FGD5: variants seen among roughly 807,000 people sequenced by gnomAD.
FGD5 encodes the protein FYVE, RhoGEF and PH domain containing 5, also known as FYVE, RhoGEF and PH domain-containing protein 5.
Under a neutral mutation model 133.4 loss-of-function variants are expected in FGD5, and 28 were observed. The observed-to-expected ratio is 0.21, with a 90% CI of 0.16 to 0.29. The LOEUF (loss-of-function observed/expected upper bound fraction) is 0.29, where lower values mean the gene tolerates loss of function less well. FGD5 is among the 10% of genes least tolerant of loss of function. The probability of loss-of-function intolerance (pLI) is 1.00; values close to 1 mark genes in which losing one functional copy is unlikely to be tolerated. For missense variants in FGD5, 1,858 were observed against 1,895.2 expected (o/e 0.98, Z 0.36); for synonymous variants, 810 against 776.5 (o/e 1.04, Z -0.72).
At chr3:14,848,816 G>A (rs1398067956) in intron 1 of FGD5, among the ~76,000 whole-genome samples, 1 of 152,176 alleles carries the variant, frequency 6.6e-6, no homozygotes, top group Admixed American at 6.5e-5. Context: ...GCTGGCCTTG[G>A]CAAGGAGAGG....
At chr3:14,825,417 C>T (rs1248252873) in intron 1 of FGD5, among the ~76,000 whole-genome samples, 2 of 152,006 alleles carry the variant, frequency 1.3e-5, no homozygotes, top group African/African-American at 4.8e-5. Flanking sequence ...CCAGCCTAGA[C>T]AACATAGTGA....
At chr3:14,811,185 CG>C (rs1344558086) in intron 1 of FGD5, among the ~76,000 whole-genome samples, 1 of 152,140 alleles carries the variant, frequency 6.6e-6, no homozygotes, top group African/African-American at 2.4e-5. Flanking sequence ...CGAAGAAAGA[CG>C]CCCCTTTCGC....
chr3:14,819,204 G>A lies in FGD5; in HGVS notation c.133G>A (p.Gly45Arg). 7 of 1,550,334 alleles carry A rather than the reference G, an allele frequency of 4.5e-6. No individual in the cohort carries two copies. Among genetic ancestry groups the A allele is most frequent in the Non-Finnish European group, 6.1e-6 (7 of 1,146,612 alleles). The change falls in exon 1 of 20, where the codon GGG becomes AGG. Residue 45 changes from glycine (G) to arginine (R), a missense_variant. This residue lies in a region of FGD5 where 1,824 missense variants were observed against 1,848.9 expected (regional missense o/e 0.99). Transcript: ENST00000285046. This position sits in a 1 kb window ranked among gnomAD's most constrained non-coding sequence, Gnocchi z 4.1. Reference sequence around the variant, plus strand: ...CGGGCGGCTGCCCTGTGTAGACAGGGGGCTTGATGAGGGGCCCCGGTCCAT... The same window carrying A: ...CGGGCGGCTGCCCTGTGTAGACAGGAGGCTTGATGAGGGGCCCCGGTCCAT... ...SNGRLPCVDR[G>R]LDEGPRSIPK... is the part of the protein sequence containing the mutation.
upstream of FGD5, among the ~76,000 whole-genome samples, chr3:14,818,454 G>A (rs1167801177): frequency 6.6e-6 from 1 of 152,200 alleles, no homozygotes; most frequent in Non-Finnish European, 1.5e-5. Flanking sequence ...TCTCAGCAGA[G>A]TCTGTTTTCT....
upstream of FGD5, among the ~76,000 whole-genome samples, chr3:14,815,781 T>G (rs1483457766): frequency 6.6e-6 from 1 of 152,160 alleles, no homozygotes; most frequent in Non-Finnish European, 1.5e-5. Context: ...GGAAACACTC[T>G]GTGGCAAAAA....
At position 14,819,581 on chromosome 3, in the gene FGD5, G is replaced by T; in HGVS notation, c.510G>T (p.Val170=). ...GAAGTGAGGAGGAAGAGAAGCTAGT[G>T]CAGCCACACAGGGAGTGCAGCCTGG... ...VSRSEEEEKL[V]QPHRECSLED... The change falls in exon 1 of 20, where the codon GTG becomes GTT. Residue 170 remains valine (V), a synonymous_variant. Transcript: ENST00000285046. The surrounding 1 kb of genome is among the most constrained non-coding windows in gnomAD (Gnocchi z 4.1). The T allele has an allele frequency of 6.4e-7, 1 of 1,551,446 alleles. No individual in the cohort carries two copies.
chr3:14,864,385 G>GGC, intron 2 of FGD5, 125 bp downstream of exon 2: 6 of 1,472,586 alleles, frequency 4.1e-6, no homozygotes, highest in Non-Finnish European at 5.6e-6. Flanking sequence ...CCAGCTGGAT[G>GGC]CAGGGGCTGA....
At chr3:14,894,241 A>G (rs1038694565) in intron 4 of FGD5, among the ~76,000 whole-genome samples, 1 of 152,188 alleles carries the variant, frequency 6.6e-6, no homozygotes, top group Non-Finnish European at 1.5e-5. Flanking sequence ...TTCACTTAAG[A>G]TAATGACTTT....
chr3:14,847,920 G>A (rs139084769), intron 1 of FGD5, among the ~76,000 whole-genome samples: 1 of 152,202 alleles, frequency 6.6e-6, no homozygotes, highest in Non-Finnish European at 1.5e-5. Context: ...GTGGCATGGG[G>A]GCATTGGGCT....
chr3:14,928,162 G>T (rs1009161895), intron 18 of FGD5, among the ~76,000 whole-genome samples: 1 of 151,698 alleles, frequency 6.6e-6, no homozygotes, highest in Non-Finnish European at 1.5e-5. Context: ...GGATGGTCTC[G>T]ATCTCTTGAC....
At chr3:14,815,351 C>CA (rs71630867), upstream of FGD5, among the ~76,000 whole-genome samples, 3,056 of 136,120 alleles carry the variant, frequency 0.022, 79 homozygotes, top group African/African-American at 0.064. Context: ...TCTAAAATCG[C>CA]AAAAAAAAAA....
intron 11 of FGD5, among the ~76,000 whole-genome samples, chr3:14,915,042 C>T (rs1209453385): frequency 6.6e-6 from 1 of 152,250 alleles, no homozygotes; most frequent in Non-Finnish European, 1.5e-5. Flanking sequence ...TGCATTCCAT[C>T]ATGGGTTGTC....
At chr3:14,866,092 C>T (rs58461937) in intron 2 of FGD5, among the ~76,000 whole-genome samples, 78,683 of 151,864 alleles carry the variant, frequency 0.52, 20,759 homozygotes, top group African/African-American at 0.58. Context: ...ACCTCAGAGT[C>T]CCCACCCGCC....
In FGD5 at chr3:14,917,410, C is replaced by A; in HGVS notation, c.3489+78C>A. The A allele has an allele frequency of 1.5e-6, 2 of 1,309,452 alleles. No individual in the cohort carries two copies. The highest frequency in any genetic ancestry group is 1.1e-6 in the Non-Finnish European group (1 of 931,420). 81.1% of individuals were successfully genotyped at this position (1,309,452 alleles called of 1,614,324 possible). A position where few individuals can be genotyped will look rare whatever the true frequency, so the allele number is the denominator to read the frequency against. On this transcript the variant is annotated intron_variant, in intron 12 of 19. Coordinates refer to ENST00000285046, the MANE Select transcript of FGD5 (RefSeq NM_152536.4). This position sits in a 1 kb window ranked among gnomAD's most constrained non-coding sequence, Gnocchi z 4.1. ...GGAGAAGGGGACAGCATCCTGCTCC[C>A]AGGAGCACCCAGACCAGCTGGAAGA... is the stretch of plus-strand genomic sequence containing the variant.
intron 4 of FGD5, chr3:14,882,284 G>A: frequency 1.0e-6 from 1 of 985,272 alleles, no homozygotes; most frequent in Non-Finnish European, 1.2e-6. Flanking sequence ...TTCATAAGAG[G>A]GTTTTAACTG....
chr3:14,857,483 A>C (rs1000246678), intron 1 of FGD5, among the ~76,000 whole-genome samples: 4 of 152,214 alleles, frequency 2.6e-5, no homozygotes, highest in East Asian at 1.9e-4. Context: ...CCTCCAAACT[A>C]TCTCTCAAAT....
intron 4 of FGD5, among the ~76,000 whole-genome samples, chr3:14,887,011 T>C (rs998867433): frequency 6.6e-6 from 1 of 152,168 alleles, no homozygotes; most frequent in African/African-American, 2.4e-5. Context: ...GGCCCTCTGC[T>C]CTTGTTGAGT....
chr3:14,932,492 T>G, intron 18 of FGD5, 85 bp from the exon 19 acceptor site: 1 of 1,472,246 alleles, frequency 6.8e-7, no homozygotes, highest in East Asian at 2.4e-5. Context: ...AGAGGCACTC[T>G]TCACGCATCT....
intron 18 of FGD5, 71 bp downstream of exon 18, chr3:14,926,269 C>A (rs757282791): frequency 7.0e-5 from 111 of 1,581,876 alleles, no homozygotes; most frequent in Non-Finnish European, 9.1e-5. Flanking sequence ...TGCACACATC[C>A]TGTCACTTGC....
Sources: allele counts gnomAD v4.1 joint callset (sites outside exome capture counted in the v4.1 genomes callset), GRCh38; gene constraint gnomAD v4.1.1; regional missense constraint gnomAD v4.1.1; non-coding constraint Gnocchi (gnomAD v3.1); transcripts MANE v1.5; gene names NCBI Gene and HGNC (gene_info 2026-07-23, HGNC 2026-07-21).